Variants in GRIN2B observed in about 807,000 individuals in gnomAD.
The protein encoded by GRIN2B is glutamate receptor ionotropic, NMDA 2B.
Under a neutral mutation model 114.5 loss-of-function variants are expected in GRIN2B, and 5 were observed. That is an observed-to-expected ratio of 0.04 (90% CI 0.02 to 0.09). The LOEUF (loss-of-function observed/expected upper bound fraction) is 0.09. Among genes scored for constraint, GRIN2B ranks in the 10% least tolerant of loss-of-function variants. The pLI is 1.00. For synonymous variants in GRIN2B, 787 were observed against 745.1 expected (o/e 1.06, Z -0.92); for missense variants, 1,108 against 1,943.5 (o/e 0.57, Z 8.08).
intron 5 of GRIN2B, among the ~76,000 whole-genome samples, chr12:13,640,234 G>A (rs1303899936): frequency 1.3e-5 from 2 of 152,096 alleles, no homozygotes; most frequent in Non-Finnish European, 2.9e-5. Context: ...CTGGATGACA[G>A]AGCAAGGCCC....
intron 2 of GRIN2B, among the ~76,000 whole-genome samples, chr12:13,883,852 T>G (rs567477780): frequency 4.5e-4 from 69 of 152,312 alleles, no homozygotes; most frequent in African/African-American, 1.6e-3. Context: ...TAGAAAGTCT[T>G]TGCCTAAACA....
chr12:13,956,562 T>C (rs181334546), intron 2 of GRIN2B, among the ~76,000 whole-genome samples: 1 of 152,292 alleles, frequency 6.6e-6, no homozygotes, highest in African/African-American at 2.4e-5. Flanking sequence ...TTTCTCCAAG[T>C]CGTTTCCTCC....
intron 4 of GRIN2B, among the ~76,000 whole-genome samples, chr12:13,735,964 G>T (rs561072481): frequency 6.6e-6 from 1 of 151,948 alleles, no homozygotes; most frequent in East Asian, 1.9e-4. Flanking sequence ...GACAGACATA[G>T]CATGTGTGTC....
intron 2 of GRIN2B, among the ~76,000 whole-genome samples, chr12:13,972,115 C>T (rs1351423157): frequency 6.6e-6 from 1 of 152,168 alleles, no homozygotes; most frequent in Non-Finnish European, 1.5e-5. Context: ...TAGAATCCTG[C>T]AGGGAAGTTT....
chr12:13,932,569 A>T lies in GRIN2B; in HGVS notation c.-19+47359T>A, dbSNP rs569096471. Among the ~76,000 whole-genome samples, 8 of 152,332 alleles carry T rather than the reference A, an allele frequency of 5.3e-5. No homozygotes were observed. In the South Asian group the frequency reaches 1.7e-3, roughly 32 times the overall value. On this transcript the variant is annotated intron_variant, in intron 2 of 13. Coordinates refer to ENST00000609686, the MANE Select transcript of GRIN2B (RefSeq NM_000834.5). ...ACACCCAGTCAAAAGTCTTTATTTC[A>T]GATGTATTAAGCATTCAAAAAATGG...
rs992314846 is a variant in GRIN2B at position 13,541,619 on chromosome 12, G to A, written c.*21164C>T. 2 of 152,216 alleles carry A rather than the reference G, an allele frequency of 1.3e-5. No homozygotes were observed. The highest frequency in any genetic ancestry group is 2.9e-5 in the Non-Finnish European group (2 of 68,056). 9.4% of individuals were successfully genotyped at this position (152,216 alleles called of 1,614,324 possible). ...CTTAAGAACTCAAGATGTGGCGTTAGATGAGCCAAGATGAACATAATTTAA... is the reference window on the plus strand; with the variant it reads ...CTTAAGAACTCAAGATGTGGCGTTAAATGAGCCAAGATGAACATAATTTAA... On this transcript the variant is annotated 3_prime_UTR_variant, in exon 14 of 14. Coordinates refer to ENST00000609686, the MANE Select transcript of GRIN2B (RefSeq NM_000834.5).
intron 10 of GRIN2B, among the ~76,000 whole-genome samples, chr12:13,595,851 G>A (rs1404002778): frequency 1.3e-5 from 2 of 152,110 alleles, no homozygotes; most frequent in Admixed American, 6.5e-5. Context: ...CAATTAATTT[G>A]GTGTGCTTTT....
intron 3 of GRIN2B, among the ~76,000 whole-genome samples, chr12:13,755,394 T>C (rs1336691053): frequency 6.6e-6 from 1 of 152,210 alleles, no homozygotes; most frequent in Non-Finnish European, 1.5e-5. Context: ...CTTGAACTTT[T>C]CACATTTTCC....
At chr12:13,572,689 C>T (rs1452768779) in intron 10 of GRIN2B, among the ~76,000 whole-genome samples, 2 of 152,168 alleles carry the variant, frequency 1.3e-5, no homozygotes, top group African/African-American at 4.8e-5. Context: ...CCCTGCAATG[C>T]GTAAGTCTTT....
At chr12:13,617,289 G>A (rs553170923) in intron 5 of GRIN2B, among the ~76,000 whole-genome samples, 6 of 152,356 alleles carry the variant, frequency 3.9e-5, no homozygotes, top group African/African-American at 1.4e-4. Flanking sequence ...GGATGAACAT[G>A]GGTCAATGCA....
intron 2 of GRIN2B, among the ~76,000 whole-genome samples, chr12:13,928,887 A>C (rs1457738479): frequency 6.6e-6 from 1 of 152,254 alleles, no homozygotes. Flanking sequence ...GGACAATGAC[A>C]ATAACTTAAC....
At chr12:13,910,342 C>T (rs188197430) in intron 2 of GRIN2B, among the ~76,000 whole-genome samples, 75 of 152,256 alleles carry the variant, frequency 4.9e-4, no homozygotes, top group Admixed American at 1.4e-3. Context: ...GAATCTATGT[C>T]TCTAAAATGC....
chr12:13,918,525 A>G (rs1866769115), intron 2 of GRIN2B, among the ~76,000 whole-genome samples: 1 of 152,238 alleles, frequency 6.6e-6, no homozygotes, highest in South Asian at 2.1e-4. Flanking sequence ...AAATCTGGAC[A>G]TGTTAAAAAA....
At chr12:13,754,819 C>T (rs1264531769) in intron 3 of GRIN2B, among the ~76,000 whole-genome samples, 2 of 152,110 alleles carry the variant, frequency 1.3e-5, no homozygotes, top group Admixed American at 6.6e-5. Context: ...CACACCCTCC[C>T]GTGTCAATTT....
intron 3 of GRIN2B, among the ~76,000 whole-genome samples, chr12:13,828,935 G>T (rs901432739): frequency 6.6e-6 from 1 of 152,266 alleles, no homozygotes; most frequent in African/African-American, 2.4e-5. Flanking sequence ...TCTGGTGCCT[G>T]TCTTTTTTTC....
At chr12:13,714,683 C>A (rs1028062418) in intron 4 of GRIN2B, among the ~76,000 whole-genome samples, 1 of 151,720 alleles carries the variant, frequency 6.6e-6, no homozygotes, top group South Asian at 2.1e-4. Flanking sequence ...AATAAGAAAG[C>A]CTGAGAAGGT....
At position 13,562,183 on chromosome 12, in the gene GRIN2B, TG is replaced by T. The variant is rs1948554108; in HGVS notation, c.*599del. On this transcript the variant is annotated 3_prime_UTR_variant, in exon 14 of 14. Transcript: ENST00000609686. ...TGTTCACCACCACTATCGAGTCTCA[TG>T]GGGTTGAAGCAAGCATTTTTTGGCT... The T allele has an allele frequency of 6.5e-6, 1 of 153,860 alleles. No individual in the cohort carries two copies. The highest frequency in any genetic ancestry group is 2.4e-5 in the African/African-American group (1 of 41,464). The allele number at this position is 153,860 out of a possible 1,614,324, so 9.5% of individuals were successfully genotyped here.
At chr12:13,968,408 C>T (rs559385257) in intron 2 of GRIN2B, among the ~76,000 whole-genome samples, 31 of 152,282 alleles carry the variant, frequency 2.0e-4, no homozygotes, top group Admixed American at 7.2e-4. Context: ...TAACTGGCTC[C>T]CCTAAAGACC....
In GRIN2B at chr12:13,559,557, C is replaced by T. The variant is rs974436291; in HGVS notation, c.*3226G>A. ...CTATTGGCACCATTGCTCACATACC[C>T]ACCCTCCCACGTCTAAACCTAACTT... is the stretch of plus-strand genomic sequence containing the variant. On this transcript the variant is annotated 3_prime_UTR_variant, in exon 14 of 14. Coordinates refer to ENST00000609686, the MANE Select transcript of GRIN2B (RefSeq NM_000834.5). The T allele has an allele frequency of 1.2e-4, 18 of 152,206 alleles. No homozygotes were observed. Among genetic ancestry groups the T allele is most frequent in the African/African-American group, 4.3e-4 (18 of 41,436 alleles). 9.4% of individuals were successfully genotyped at this position (152,206 alleles called of 1,614,324 possible).
Sources: allele counts gnomAD v4.1 joint callset (sites outside exome capture counted in the v4.1 genomes callset), GRCh38; gene constraint gnomAD v4.1.1; transcripts MANE v1.5; gene names NCBI Gene and HGNC (gene_info 2026-07-23, HGNC 2026-07-21).